GANC: variants seen among roughly 807,000 people sequenced by gnomAD.
GANC encodes glucosidase alpha, neutral C, also known as neutral alpha-glucosidase C.
GANC carries 117 observed loss-of-function variants against 124.2 expected under a neutral mutation model. The observed-to-expected ratio is 0.94, with a 90% CI of 0.81 to 1.10. GANC has a LOEUF of 1.10. Among genes scored for constraint, GANC ranks in the 50% least tolerant of loss-of-function variants. The probability of loss-of-function intolerance (pLI) is 0.00; values close to 1 mark genes in which losing one functional copy is unlikely to be tolerated. For synonymous variants in GANC, 377 were observed against 376.8 expected, an observed-to-expected ratio of 1.00 and a Z score of -0.01; for missense variants, 1,140 against 1,095.0, an observed-to-expected ratio of 1.04 and a Z score of -0.58.
At position 42,294,480 on chromosome 15, in the gene GANC, CAGAAGA is replaced by C. The variant is rs1460503646; in HGVS notation, c.512+1565_512+1570del. On this transcript the variant is annotated intron_variant, in intron 5 of 23. Coordinates refer to ENST00000318010, the MANE Select transcript of GANC (RefSeq NM_198141.3). ...GTCCCAGCTACTCAAGAGGCTGAGG[CAGAAGA>C]ATCTCTTGAACCCAGGAGGTGGAGG... Among the ~76,000 whole-genome samples, 177 of 147,362 alleles carry C rather than the reference CAGAAGA, an allele frequency of 1.2e-3. 10 individuals are homozygous for C. The highest frequency in any genetic ancestry group is 4.5e-3 in the African/African-American group (175 of 39,266).
chr15:42,333,874 T>G (rs911109276), intron 15 of GANC, among the ~76,000 whole-genome samples: 13 of 152,196 alleles, frequency 8.5e-5, no homozygotes, highest in African/African-American at 2.9e-4. Flanking sequence ...AAGCAGGGGC[T>G]GGTGGAGGTG....
intron 10 of GANC, among the ~76,000 whole-genome samples, chr15:42,317,954 A>G (rs918265756): frequency 5.3e-5 from 8 of 152,228 alleles, no homozygotes; most frequent in African/African-American, 1.4e-4. Context: ...TCAATCATAT[A>G]CCATACCCTC....
Position 42,278,596 on chromosome 15 carries a change from A to T in GANC, c.201+6A>T, listed in dbSNP as rs767225535. The stretch of plus-strand genomic sequence containing the variant: ...TCATCAATGAAGCAAGTAAGGTGAG[A>T]TGGAAGTATTTTCTACAGAGAATAA... On this transcript the variant is annotated splice_donor_region_variant and intron_variant, in intron 3 of 23. Transcript: ENST00000318010. 1.5e-5 allele frequency: 23 copies of T among 1,582,102 alleles called. No individual in the cohort carries two copies. In the Middle Eastern group the frequency reaches 8.4e-4, roughly 57 times the overall value.
chr15:42,310,072 G>C (rs755797906), intron 8 of GANC, among the ~76,000 whole-genome samples: 33 of 152,142 alleles, frequency 2.2e-4, no homozygotes, highest in Non-Finnish European at 3.8e-4. Flanking sequence ...GATCGTATGT[G>C]CTAATGTCAC....
intron 18 of GANC, 119 bp from the exon 19 acceptor site, chr15:42,342,959 T>A (rs2052338017): frequency 1.3e-6 from 1 of 760,294 alleles, no homozygotes; most frequent in East Asian, 2.7e-5. Context: ...TCTCTGCCTC[T>A]CCAAAGTTCA....
At chr15:42,342,092 T>C (rs2052332499) in intron 18 of GANC, among the ~76,000 whole-genome samples, 2 of 152,322 alleles carry the variant, frequency 1.3e-5, no homozygotes, top group South Asian at 4.1e-4. Flanking sequence ...TTGTTTTCAC[T>C]AACTGTAAAC....
chr15:42,329,343 A>G lies in GANC; in HGVS notation c.1538A>G (p.Asn513Ser), dbSNP rs1311268642. Residue 513 changes from asparagine (N) to serine (S), a missense_variant, in exon 14 of 24, where the codon AAT becomes AGT. Physicochemically the swap from Asn to Ser is conservative, Grantham distance 46 (BLOSUM62 1). Coordinates refer to ENST00000318010, the MANE Select transcript of GANC (RefSeq NM_198141.3). Reference protein sequence around the residue: ...TDILFLWNDMNEPSVFRGPEQ... With the variant: ...TDILFLWNDMSEPSVFRGPEQ... ...ATCCTCTTCCTTTGGAATGACATGA[A>G]TGAGCCTTCTGTCTTTAGAGGGCCA... 6.2e-7 allele frequency: 1 copy of G among 1,614,028 alleles called. No individual in the cohort carries two copies. Among genetic ancestry groups the G allele is most frequent in the South Asian group, 1.1e-5 (1 of 91,062 alleles).
chr15:42,299,395 GC>G (rs1471493878), intron 6 of GANC, among the ~76,000 whole-genome samples: 1 of 152,156 alleles, frequency 6.6e-6, no homozygotes, highest in Non-Finnish European at 1.5e-5. Context: ...AACCGGCCTT[GC>G]CCCAGAGATG....
At chr15:42,311,025 C>T (rs192950691) in intron 10 of GANC, among the ~76,000 whole-genome samples, 179 bp downstream of exon 10, 2 of 152,232 alleles carry the variant, frequency 1.3e-5, no homozygotes, top group African/African-American at 2.4e-5. Context: ...AAACATTGCA[C>T]TGGGTCTAGA....
At chr15:42,343,945 C>CA (rs1230369811) in intron 19 of GANC, among the ~76,000 whole-genome samples, 1 of 152,102 alleles carries the variant, frequency 6.6e-6, no homozygotes, top group East Asian at 1.9e-4. Flanking sequence ...GTTCAGCAGG[C>CA]AGGGGAAGAG....
At chr15:42,319,412 A>G (rs1300768964) in intron 10 of GANC, among the ~76,000 whole-genome samples, 1 of 152,054 alleles carries the variant, frequency 6.6e-6, no homozygotes, top group Non-Finnish European at 1.5e-5. Context: ...TGGCGTGACC[A>G]TGGCTCACTG....
intron 18 of GANC, among the ~76,000 whole-genome samples, chr15:42,341,568 T>A (rs1256445766): frequency 9.0e-6 from 1 of 110,902 alleles, no homozygotes; most frequent in East Asian, 2.2e-4. Flanking sequence ...CTGAGTTCTA[T>A]TTTTTTTTTT....
At chr15:42,285,690 G>A (rs982361658) in intron 3 of GANC, among the ~76,000 whole-genome samples, 2 of 152,128 alleles carry the variant, frequency 1.3e-5, no homozygotes, top group African/African-American at 4.8e-5. Context: ...AGCTACTCAG[G>A]AGGCTGAGGC....
intron 5 of GANC, among the ~76,000 whole-genome samples, chr15:42,295,835 A>G (rs2051886595): frequency 6.6e-6 from 1 of 152,114 alleles, no homozygotes; most frequent in Non-Finnish European, 1.5e-5. Flanking sequence ...TTAGACTCAT[A>G]CACGCATTAA....
At chr15:42,346,328 C>T (rs138634607) in intron 20 of GANC, among the ~76,000 whole-genome samples, 51 of 152,042 alleles carry the variant, frequency 3.4e-4, no homozygotes, top group African/African-American at 1.1e-3. Context: ...AAGGTAGGTC[C>T]GGGGGTGCCT....
intron 21 of GANC, 73 bp downstream of exon 21, chr15:42,348,289 C>G: frequency 1.1e-6 from 1 of 894,880 alleles, no homozygotes; most frequent in East Asian, 2.7e-5. Context: ...GTGTGTGACA[C>G]TACGTAAAAG....
intron 19 of GANC, 39 bp downstream of exon 19, chr15:42,343,193 A>G (rs367877357): frequency 6.5e-7 from 1 of 1,529,222 alleles, no homozygotes; most frequent in African/African-American, 1.4e-5. Flanking sequence ...TATGTCTCAT[A>G]TCTCTCATCC....
At chr15:42,347,059 TG>T (rs112262957) in intron 20 of GANC, among the ~76,000 whole-genome samples, 5,753 of 152,132 alleles carry the variant, frequency 0.038, 299 homozygotes, top group African/African-American at 0.12. Flanking sequence ...TTAAATTATT[TG>T]TCCAGGAACA....
Position 42,276,254 on chromosome 15 carries a change from A to C in GANC, c.30-94A>C, listed in dbSNP as rs957570935. Reference sequence around the variant, plus strand: ...ATTGCAGAATAGACTCCAAAGGTTTATTTTGCATGTTCATACTGTCGTTAG... The same window carrying C: ...ATTGCAGAATAGACTCCAAAGGTTTCTTTTGCATGTTCATACTGTCGTTAG... On this transcript the variant is annotated intron_variant, in intron 1 of 23. Coordinates refer to ENST00000318010, the MANE Select transcript of GANC (RefSeq NM_198141.3). The C allele has an allele frequency of 2.3e-5, 15 of 664,154 alleles. No individual in the cohort carries two copies. The African/African-American group carries it at 2.7e-4, about 12-fold the overall frequency. 41.1% of individuals were successfully genotyped at this position (664,154 alleles called of 1,614,324 possible).
Sources: allele counts gnomAD v4.1 joint callset (sites outside exome capture counted in the v4.1 genomes callset), GRCh38; gene constraint gnomAD v4.1.1; transcripts MANE v1.5; gene names NCBI Gene and HGNC (gene_info 2026-07-23, HGNC 2026-07-21).